The following RASAL2 variants were observed in gnomAD, a reference collection of about 807,000 sequenced individuals.
RASAL2 encodes ras GTPase-activating protein nGAP.
A neutral mutation model predicts 128.9 loss-of-function variants in RASAL2; 58 were observed. The observed-to-expected ratio is 0.45, with a 90% CI of 0.36 to 0.56. The LOEUF (loss-of-function observed/expected upper bound fraction) is 0.56. RASAL2 is among the 20% of genes least tolerant of loss of function. The pLI is 0.00. For synonymous variants in RASAL2, 561 were observed against 580.8 expected, an observed-to-expected ratio of 0.97 and a Z score of 0.49; for missense variants, 1,360 against 1,601.6, an observed-to-expected ratio of 0.85 and a Z score of 2.57.
chr1:178,265,036 CAGTTCTGTGCT>C (rs1438422948), intron 1 of RASAL2, among the ~76,000 whole-genome samples: 1 of 152,210 alleles, frequency 6.6e-6, no homozygotes, highest in Non-Finnish European at 1.5e-5. Context: ...AGGATTTTAG[CAGTTCTGTGCT>C]AGGAACCGGG....
chr1:178,311,919 A>T (rs1668274502), intron 3 of RASAL2, among the ~76,000 whole-genome samples: 1 of 152,174 alleles, frequency 6.6e-6, no homozygotes, highest in South Asian at 2.1e-4. Context: ...AATGATTGAT[A>T]TCCTCAGAAA....
chr1:178,183,261 G>A (rs1037092817), intron 1 of RASAL2, among the ~76,000 whole-genome samples: 7 of 152,192 alleles, frequency 4.6e-5, no homozygotes, highest in African/African-American at 1.4e-4. Context: ...CACACCATGT[G>A]TATTACAAAT....
chr1:178,256,144 T>C (rs1485227412), intron 1 of RASAL2, among the ~76,000 whole-genome samples: 1 of 152,156 alleles, frequency 6.6e-6, no homozygotes, highest in Non-Finnish European at 1.5e-5. Flanking sequence ...CAGCAACATC[T>C]AAGTATTATA....
At chr1:178,452,172 T>C (rs1280654835) in intron 10 of RASAL2, among the ~76,000 whole-genome samples, 1 of 152,116 alleles carries the variant, frequency 6.6e-6, no homozygotes, top group Non-Finnish European at 1.5e-5. Context: ...TTTCCCACTT[T>C]GCAAAACTAA....
chr1:178,322,911 T>C (rs552408822), intron 3 of RASAL2, among the ~76,000 whole-genome samples: 29 of 152,186 alleles, frequency 1.9e-4, no homozygotes, highest in Admixed American at 3.3e-4. Flanking sequence ...TCTGGCCACA[T>C]AGGACTGCTT....
At chr1:178,113,309 A>G (rs1000738911) in intron 1 of RASAL2, among the ~76,000 whole-genome samples, 1 of 151,132 alleles carries the variant, frequency 6.6e-6, no homozygotes, top group African/African-American at 2.4e-5. Context: ...TACTTTGACT[A>G]CTCTAGATCA....
intron 1 of RASAL2, among the ~76,000 whole-genome samples, chr1:178,223,405 TGATG>T (rs1443447870): frequency 2.0e-5 from 3 of 152,068 alleles, no homozygotes; most frequent in Non-Finnish European, 4.4e-5. Flanking sequence ...AGCATGATAA[TGATG>T]GAAGGAAGAT....
In RASAL2 at chr1:178,477,267, C is replaced by T. The variant is rs1031646234; in HGVS notation, c.*4028C>T. 7 of 152,056 alleles carry T rather than the reference C, an allele frequency of 4.6e-5. No homozygotes were observed. Among genetic ancestry groups the T allele is most frequent in the Non-Finnish European group, 5.9e-5 (4 of 68,034 alleles). 9.4% of individuals were successfully genotyped at this position (152,056 alleles called of 1,614,324 possible). A position where few individuals can be genotyped will look rare whatever the true frequency, so the allele number is the denominator to read the frequency against. On this transcript the variant is annotated 3_prime_UTR_variant, in exon 18 of 18. Transcript: ENST00000367649. ...GCCTTCCTACCCCTTACCTGGGGGC[C>T]GATAATTTGAGATACTTTGTTTTTT...
At chr1:178,144,094 T>C (rs1255521473) in intron 1 of RASAL2, among the ~76,000 whole-genome samples, 1 of 152,164 alleles carries the variant, frequency 6.6e-6, no homozygotes, top group Non-Finnish European at 1.5e-5. Flanking sequence ...ATTTACTGAC[T>C]CCAGTCTGAC....
At chr1:178,366,583 A>ACCCC (rs1170150772) in intron 3 of RASAL2, among the ~76,000 whole-genome samples, 7 of 37,896 alleles carry the variant, frequency 1.8e-4, no homozygotes, top group Non-Finnish European at 2.7e-4. Flanking sequence ...GGTACCTCCC[A>ACCCC]CCCCCCCCCG....
intron 1 of RASAL2, among the ~76,000 whole-genome samples, chr1:178,235,942 T>C (rs1190460865): frequency 6.6e-6 from 1 of 152,210 alleles, no homozygotes; most frequent in Non-Finnish European, 1.5e-5. Flanking sequence ...AGAGCTAGTA[T>C]CCTAATGAAT....
chr1:178,280,448 A>G (rs1666729606), intron 1 of RASAL2, among the ~76,000 whole-genome samples: 1 of 151,930 alleles, frequency 6.6e-6, no homozygotes, highest in Non-Finnish European at 1.5e-5. Context: ...CATATTTTTT[A>G]AATTTCTCAG....
intron 3 of RASAL2, among the ~76,000 whole-genome samples, chr1:178,359,149 G>T (rs1261080899): frequency 6.6e-6 from 1 of 152,220 alleles, no homozygotes; most frequent in Non-Finnish European, 1.5e-5. Flanking sequence ...TACATTCGTT[G>T]TAATTCCAAC....
At chr1:178,138,351 A>G (rs1279049295) in intron 1 of RASAL2, among the ~76,000 whole-genome samples, 1 of 152,210 alleles carries the variant, frequency 6.6e-6, no homozygotes, top group African/African-American at 2.4e-5. Flanking sequence ...CATTGTTGTC[A>G]TAATGGATAT....
intron 1 of RASAL2, among the ~76,000 whole-genome samples, chr1:178,275,668 C>T (rs528657030): frequency 6.6e-6 from 1 of 152,318 alleles, no homozygotes; most frequent in African/African-American, 2.4e-5. Flanking sequence ...TGTGATAGAG[C>T]AGAGTTAGAA....
At chr1:178,124,155 G>T (rs981363454) in intron 1 of RASAL2, among the ~76,000 whole-genome samples, 1 of 152,194 alleles carries the variant, frequency 6.6e-6, no homozygotes, top group African/African-American at 2.4e-5. Context: ...AAAATCACTG[G>T]AAGAAGTGGT....
intron 17 of RASAL2, among the ~76,000 whole-genome samples, chr1:178,470,236 T>C (rs540072102): frequency 1.1e-4 from 17 of 152,298 alleles, no homozygotes; most frequent in Admixed American, 4.6e-4. Context: ...GTGACTCTTA[T>C]GTCAACACTT....
Position 178,438,881 on chromosome 1 carries a change from C to CTCTGTGTG in RASAL2, c.675-540_675-539insCTGTGTGT, listed in dbSNP as rs1239809916. On this transcript the variant is annotated intron_variant, in intron 5 of 17. Coordinates refer to ENST00000367649, the MANE Select transcript of RASAL2 (RefSeq NM_170692.4). ...TGTGATAAAAAGTTGAGCTTCGACT[C>CTCTGTGTG]TGTGTGTGTGTGTGTGTGTGTGTGT... 1.7e-3 allele frequency among the ~76,000 whole-genome samples: 222 copies of CTCTGTGTG among 129,464 alleles called. 3 individuals are homozygous for CTCTGTGTG. Among genetic ancestry groups the CTCTGTGTG allele is most frequent in the Middle Eastern group, 7.8e-3 (2 of 256 alleles). 84.9% of individuals were successfully genotyped at this position (129,464 alleles called of 152,430 possible).
intron 1 of RASAL2, among the ~76,000 whole-genome samples, chr1:178,268,251 C>T (rs1256112786): frequency 3.3e-5 from 5 of 151,984 alleles, no homozygotes; most frequent in Non-Finnish European, 5.9e-5. Context: ...GGGTGGATCA[C>T]GAAGTCAAGA....
Sources: allele counts gnomAD v4.1 joint callset (sites outside exome capture counted in the v4.1 genomes callset), GRCh38; gene constraint gnomAD v4.1.1; transcripts MANE v1.5; gene names NCBI Gene and HGNC (gene_info 2026-07-23, HGNC 2026-07-21).